The following GOLGA4 variants were observed in gnomAD, a reference collection of about 807,000 sequenced individuals.
The protein encoded by GOLGA4 is golgin A4, also known as golgin subfamily A member 4.
In GOLGA4, 169 loss-of-function variants were observed where a neutral mutation model predicts 265.9. That is an observed-to-expected ratio of 0.64 (90% CI 0.56 to 0.72). GOLGA4 has a LOEUF of 0.72. GOLGA4 is among the 30% of genes least tolerant of loss of function. The pLI, the probability that GOLGA4 is intolerant of heterozygous loss-of-function variation, is 0.00. For synonymous variants in GOLGA4, 923 were observed against 855.8 expected (o/e 1.08, Z -1.37); for missense variants, 2,482 against 2,483.4 (o/e 1.00, Z 0.01).
intron 2 of GOLGA4, among the ~76,000 whole-genome samples, chr3:37,258,332 G>GTA (rs753124411): frequency 2.6e-3 from 396 of 150,376 alleles, no homozygotes; most frequent in South Asian, 3.8e-3. Context: ...TATGCTGTCT[G>GTA]TATATATATA....
intron 2 of GOLGA4, among the ~76,000 whole-genome samples, chr3:37,252,221 T>C (rs555632490): frequency 1.6e-4 from 25 of 151,792 alleles, no homozygotes; most frequent in Admixed American, 3.9e-4. Flanking sequence ...AAGTGAATCC[T>C]CCCAGGTCAA....
chr3:37,267,825 C>T (rs972032029), intron 2 of GOLGA4, among the ~76,000 whole-genome samples: 6 of 152,140 alleles, frequency 3.9e-5, no homozygotes, highest in African/African-American at 1.4e-4. Flanking sequence ...TAGAACATTT[C>T]GGTACTTGAA....
intron 2 of GOLGA4, among the ~76,000 whole-genome samples, chr3:37,255,154 C>T (rs867028800): frequency 8.6e-5 from 13 of 150,942 alleles, no homozygotes; most frequent in South Asian, 4.2e-4. Flanking sequence ...TTGTTGTCAT[C>T]ATTATTATTA....
chr3:37,274,414 G>C (rs1181937597), intron 2 of GOLGA4, among the ~76,000 whole-genome samples: 1 of 152,118 alleles, frequency 6.6e-6, no homozygotes, highest in Non-Finnish European at 1.5e-5. Flanking sequence ...ATAGCAGGCT[G>C]GGCGCAGTGG....
intron 1 of GOLGA4, chr3:37,245,202 T>C (rs1009848842): frequency 1.3e-5 from 2 of 152,666 alleles, no homozygotes; most frequent in Non-Finnish European, 2.9e-5. Flanking sequence ...ACATTTACTG[T>C]GTCATTAGTA....
In GOLGA4 at chr3:37,262,390, C is replaced by T. The variant is rs545266356; in HGVS notation, c.162+10906C>T. Among the ~76,000 whole-genome samples the T allele has an allele frequency of 5.9e-5, 9 of 152,018 alleles. No homozygotes were observed. In the East Asian group the frequency reaches 1.7e-3, roughly 30 times the overall value. ...GTGTGGTGGCACATACCTGTTATCC[C>T]AGCTACTCGGGAGGCTGAATGAGGC... On this transcript the variant is annotated intron_variant, in intron 2 of 23. Coordinates refer to ENST00000361924, the MANE Select transcript of GOLGA4 (RefSeq NM_002078.5).
intron 2 of GOLGA4, among the ~76,000 whole-genome samples, chr3:37,261,136 A>AGT (rs900336840): frequency 4.0e-5 from 6 of 151,748 alleles, no homozygotes; most frequent in African/African-American, 7.3e-5. Flanking sequence ...GCGCCACCGC[A>AGT]CTCCACCCTT....
At chr3:37,270,564 C>T (rs1345154069) in intron 2 of GOLGA4, among the ~76,000 whole-genome samples, 1 of 152,092 alleles carries the variant, frequency 6.6e-6, no homozygotes, top group Admixed American at 6.6e-5. Context: ...AAGTCATTTA[C>T]TTAAAACAGA....
intron 16 of GOLGA4, among the ~76,000 whole-genome samples, chr3:37,330,724 C>T (rs951032364): frequency 6.6e-6 from 1 of 152,010 alleles, no homozygotes; most frequent in Admixed American, 6.6e-5. Flanking sequence ...CCAGCACTGC[C>T]ACTGGAAATA....
chr3:37,281,248 C>A (rs1373481114), intron 2 of GOLGA4, among the ~76,000 whole-genome samples: 1 of 152,194 alleles, frequency 6.6e-6, no homozygotes. Context: ...ATTGGAGTTA[C>A]TGATTTGTGC....
intron 6 of GOLGA4, 109 bp downstream of exon 6, chr3:37,295,186 T>C: frequency 1.8e-6 from 1 of 555,844 alleles, no homozygotes; most frequent in Non-Finnish European, 3.1e-6. Flanking sequence ...TTAAGACCTA[T>C]TTTTAAAACT....
chr3:37,263,570 C>T (rs2096775720), intron 2 of GOLGA4, among the ~76,000 whole-genome samples: 3 of 152,154 alleles, frequency 2.0e-5, no homozygotes, highest in African/African-American at 7.2e-5. Flanking sequence ...ACTGTATATC[C>T]TCCACGTCTC....
At chr3:37,260,648 A>G (rs77730667) in intron 2 of GOLGA4, among the ~76,000 whole-genome samples, 8,868 of 149,524 alleles carry the variant, frequency 0.059, 369 homozygotes, top group Non-Finnish European at 0.089. Flanking sequence ...CAAAAAAAAA[A>G]AAAGAAACAG....
At chr3:37,331,963 G>A (rs1400924744) in intron 16 of GOLGA4, among the ~76,000 whole-genome samples, 1 of 152,038 alleles carries the variant, frequency 6.6e-6, no homozygotes, top group East Asian at 1.9e-4. Context: ...CCTCTCCTCT[G>A]AACTCCACTG....
intron 9 of GOLGA4, among the ~76,000 whole-genome samples, chr3:37,301,531 C>T (rs896362160): frequency 2.0e-5 from 3 of 152,178 alleles, no homozygotes; most frequent in Non-Finnish European, 4.4e-5. Context: ...GTTCAGAAGA[C>T]TATATTTTGT....
At chr3:37,294,382 ATTTTTTTT>A (rs55842993) in intron 5 of GOLGA4, among the ~76,000 whole-genome samples, 1 of 132,044 alleles carries the variant, frequency 7.6e-6, no homozygotes, top group South Asian at 2.4e-4. Context: ...ATCTTAAGTA[ATTTTTTTT>A]TTTTTTTTTT....
Position 37,327,796 on chromosome 3 carries a change from A to G in GOLGA4, c.5910A>G (p.Glu1970=). 1.2e-6 allele frequency: 2 copies of G among 1,608,634 alleles called. No homozygotes were observed. The highest frequency in any genetic ancestry group is 2.2e-5 in the East Asian group (1 of 44,808). Residue 1970 remains glutamate (E), a synonymous_variant, in exon 14 of 24, where the codon GAA becomes GAG. Coordinates refer to ENST00000361924, the MANE Select transcript of GOLGA4 (RefSeq NM_002078.5). ...AAGAATTGGAAATACTAAAGAAAGA[A>G]TATGATCAAGAAAGGGAAGAGAAAA... ...HQQELEILKK[E]YDQEREEKIK...
chr3:37,277,717 T>C (rs988865468), intron 2 of GOLGA4, among the ~76,000 whole-genome samples: 3 of 152,086 alleles, frequency 2.0e-5, no homozygotes, highest in Non-Finnish European at 4.4e-5. Flanking sequence ...TGTTAAAGTG[T>C]GTACCATTTT....
chr3:37,344,459 C>A (rs117451579), intron 20 of GOLGA4, among the ~76,000 whole-genome samples: 1 of 150,346 alleles, frequency 6.7e-6, no homozygotes, highest in Non-Finnish European at 1.5e-5. Flanking sequence ...TTCATTGATC[C>A]GTTTGTCTAT....
Sources: gnomAD v4.1 joint callset for allele counts (sites outside exome capture counted in the v4.1 genomes callset) on GRCh38, gnomAD v4.1.1 for gene constraint, MANE v1.5 for transcripts, NCBI Gene and HGNC (gene_info 2026-07-23, HGNC 2026-07-21) for gene names.